Variants in CKAP2L observed in about 807,000 individuals in gnomAD.
The protein encoded by CKAP2L is cytoskeleton associated protein 2L.
A neutral mutation model predicts 65.7 loss-of-function variants in CKAP2L; 42 were observed. That is an observed-to-expected ratio of 0.64 (90% CI 0.50 to 0.83). The LOEUF (loss-of-function observed/expected upper bound fraction) is 0.83, where lower values mean the gene tolerates loss of function less well. Among genes scored for constraint, CKAP2L ranks in the 40% least tolerant of loss-of-function variants. CKAP2L has a pLI of 0.00. For synonymous variants in CKAP2L, 325 were observed against 313.5 expected (o/e 1.04, Z -0.39); for missense variants, 908 against 871.0 (o/e 1.04, Z -0.53).
At chr2:112,740,388 T>A (rs1276191010) in intron 8 of CKAP2L, among the ~76,000 whole-genome samples, 1 of 152,236 alleles carries the variant, frequency 6.6e-6, no homozygotes, top group African/African-American at 2.4e-5. Flanking sequence ...CTTAAATTAC[T>A]ATGGATTCTG....
Position 112,738,641 on chromosome 2 carries a change from TAAAGCAA to T in CKAP2L, c.*175_*181del. ...AACTGGCAAACTGGTCTTAAACACA[TAAAGCAA>T]AGATTTTCCCATGGGGAGAGAAAAT... On this transcript the variant is annotated 3_prime_UTR_variant, in exon 9 of 9. Coordinates refer to ENST00000302450, the MANE Select transcript of CKAP2L (RefSeq NM_152515.5). 1 of 599,980 alleles carries T rather than the reference TAAAGCAA, an allele frequency of 1.7e-6. No homozygotes were observed. The highest frequency in any genetic ancestry group is 3.0e-6 in the Non-Finnish European group (1 of 338,494). 37.2% of individuals were successfully genotyped at this position (599,980 alleles called of 1,614,324 possible). A position where few individuals can be genotyped will look rare whatever the true frequency, so the allele number is the denominator to read the frequency against.
Position 112,756,429 on chromosome 2 carries a change from A to C in CKAP2L, c.942T>G (p.Asn314Lys), listed in dbSNP as rs747573709. 35 of 1,613,814 alleles carry C rather than the reference A, an allele frequency of 2.2e-5. No individual in the cohort carries two copies. Among genetic ancestry groups the C allele is most frequent in the Non-Finnish European group, 2.9e-5 (34 of 1,179,896 alleles). The change falls in exon 4 of 9, where the codon AAT becomes AAG. Residue 314 changes from asparagine to lysine, a missense_variant. Physicochemically the swap from Asn to Lys is moderately conservative, Grantham distance 94 (BLOSUM62 0). Transcript: ENST00000302450. ...CAGGGTATGACCGTATCTTAGTTTC[A>C]TTTGGTCTTTCATATTGACTCCTAT... The part of the protein sequence containing the change: ...KVNRSQYERP[N>K]ETKIRSYPVT...
chr2:112,738,516 T>C lies in CKAP2L; in HGVS notation c.*307A>G, dbSNP rs1558749264. ...ATATTGTGGGACCAACCTTCTGATA[T>C]AAAAAACTATGTTGGGATTAAAGTA... On this transcript the variant is annotated 3_prime_UTR_variant, in exon 9 of 9. Coordinates refer to ENST00000302450, the MANE Select transcript of CKAP2L (RefSeq NM_152515.5). 1 of 270,386 alleles carries C rather than the reference T, an allele frequency of 3.7e-6. No individual in the cohort carries two copies. The highest frequency in any genetic ancestry group is 7.0e-6 in the Non-Finnish European group (1 of 142,206). 16.7% of individuals were successfully genotyped at this position (270,386 alleles called of 1,614,324 possible).
rs757057961 is a variant in CKAP2L at position 112,738,971 on chromosome 2, A to T, written c.2090T>A (p.Val697Glu). 6.2e-7 allele frequency: 1 copy of T among 1,614,210 alleles called. No individual in the cohort carries two copies. The highest frequency in any genetic ancestry group is 8.5e-7 in the Non-Finnish European group (1 of 1,180,028). The change falls in exon 9 of 9, where the codon GTG becomes GAG. Residue 697 changes from valine to glutamate, a missense_variant. Physicochemically the swap from Val to Glu is moderately radical, Grantham distance 121. Transcript: ENST00000302450. The part of the protein sequence containing the change: ...VRRSSRIERA[V>E]SRYPEMLQEH... ...CTGCAGCATTTCTGGGTAGCGGGACACTGCTCGCTCAATCCTCGACGAACG... is the reference window on the plus strand; with the variant it reads ...CTGCAGCATTTCTGGGTAGCGGGACTCTGCTCGCTCAATCCTCGACGAACG...
chr2:112,756,112 G>A lies in CKAP2L; in HGVS notation c.1259C>T (p.Ser420Phe). ...GFQQKAQTLD[S>F]KLKKAVPQNH... ...CTGGGGAACAGCCTTTTTCAACTTGGAGTCCAAAGTCTGTGCTTTTTGCTG... is the reference window on the plus strand; with the variant it reads ...CTGGGGAACAGCCTTTTTCAACTTGAAGTCCAAAGTCTGTGCTTTTTGCTG... The change falls in exon 4 of 9, where the codon TCC becomes TTC. Residue 420 changes from serine to phenylalanine, a missense_variant. Ser to Phe is a radical substitution (Grantham distance 155). Coordinates refer to ENST00000302450, the MANE Select transcript of CKAP2L (RefSeq NM_152515.5). The A allele has an allele frequency of 6.2e-7, 1 of 1,614,078 alleles. No homozygotes were observed. The highest frequency in any genetic ancestry group is 1.1e-5 in the South Asian group (1 of 91,058).
intron 2 of CKAP2L, among the ~76,000 whole-genome samples, chr2:112,761,048 A>G (rs1000271231): frequency 1.3e-5 from 2 of 151,956 alleles, no homozygotes; most frequent in African/African-American, 4.8e-5. Context: ...AATATTAATG[A>G]GATATATGTG....
chr2:112,738,634 A>T lies in CKAP2L; in HGVS notation c.*189T>A. On this transcript the variant is annotated 3_prime_UTR_variant, in exon 9 of 9. Coordinates refer to ENST00000302450, the MANE Select transcript of CKAP2L (RefSeq NM_152515.5). ...ACTGTAAAACTGGCAAACTGGTCTT[A>T]AACACATAAAGCAAAGATTTTCCCA... 1.7e-6 allele frequency: 1 copy of T among 595,848 alleles called. No individual in the cohort carries two copies. The allele number at this position is 595,848 out of a possible 1,614,324, so 36.9% of individuals were successfully genotyped here. A position where few individuals can be genotyped will look rare whatever the true frequency, so the allele number is the denominator to read the frequency against.
rs754833708 is a variant in CKAP2L, at chr2:112,740,994, G to C, written c.1836C>G (p.Asp612Glu). The change falls in exon 8 of 9, where the codon GAC becomes GAG. Residue 612 changes from aspartate (D) to glutamate (E), a missense_variant. Asp to Glu is a conservative substitution (Grantham distance 45). Transcript: ENST00000302450. ...TTATACTAGTTTCAGCAACTAAAGA[G>C]TCAGAAGTAATCCCTGTGTATGTAA... Reference protein sequence around the residue: ...SNRTTEGITSDSLVAETSITS... With the variant: ...SNRTTEGITSESLVAETSITS... The C allele has an allele frequency of 1.9e-5, 31 of 1,609,834 alleles. No individual in the cohort carries two copies. Among genetic ancestry groups the C allele is most frequent in the Non-Finnish European group, 2.5e-5 (29 of 1,176,612 alleles).
At chr2:112,761,790 G>A (rs1385906903) in intron 2 of CKAP2L, among the ~76,000 whole-genome samples, 1 of 152,192 alleles carries the variant, frequency 6.6e-6, no homozygotes, top group East Asian at 1.9e-4. Context: ...AGCATCAGAA[G>A]TGACTGAGAT....
chr2:112,740,777 T>A, intron 8 of CKAP2L, 41 bp downstream of exon 8: 4 of 1,511,688 alleles, frequency 2.6e-6, no homozygotes, highest in Non-Finnish European at 3.6e-6. Context: ...TGGACTAGAA[T>A]TAAGTCTGTG....
intron 6 of CKAP2L, among the ~76,000 whole-genome samples, chr2:112,743,506 C>T (rs759446157): frequency 2.6e-5 from 4 of 152,084 alleles, no homozygotes; most frequent in Non-Finnish European, 4.4e-5. Context: ...GGTGCGGTAT[C>T]GGCTCACCAC....
At chr2:112,758,102 A>G (rs1387592021) in intron 3 of CKAP2L, among the ~76,000 whole-genome samples, 4 of 152,234 alleles carry the variant, frequency 2.6e-5, no homozygotes, top group African/African-American at 9.6e-5. Context: ...CTTAATAGTC[A>G]TATTTGTAAA....
chr2:112,738,968 G>A lies in CKAP2L; in HGVS notation c.2093C>T (p.Ser698Phe). Reference protein sequence around the residue: ...RRSSRIERAVSRYPEMLQEHD... With the variant: ...RRSSRIERAVFRYPEMLQEHD... ...TTCCTGCAGCATTTCTGGGTAGCGGGACACTGCTCGCTCAATCCTCGACGA... is the reference window on the plus strand; with the variant it reads ...TTCCTGCAGCATTTCTGGGTAGCGGAACACTGCTCGCTCAATCCTCGACGA... The change falls in exon 9 of 9, where the codon TCC (serine) becomes TTC (phenylalanine). Residue 698 changes from serine to phenylalanine, a missense_variant. By Grantham distance (155) the Ser-to-Phe change is radical. Transcript: ENST00000302450. 1.2e-6 allele frequency: 2 copies of A among 1,614,156 alleles called. No individual in the cohort carries two copies. Among genetic ancestry groups the A allele is most frequent in the South Asian group, 1.1e-5 (1 of 91,086 alleles).
intron 5 of CKAP2L, among the ~76,000 whole-genome samples, chr2:112,747,741 G>C (rs531936610): frequency 2.6e-5 from 4 of 152,290 alleles, no homozygotes; most frequent in Admixed American, 2.0e-4. Flanking sequence ...GTTCACAATT[G>C]AGAATCACTA....
chr2:112,756,010 T>C lies in CKAP2L; in HGVS notation c.1361A>G (p.Asn454Ser). The C allele has an allele frequency of 6.3e-7, 1 of 1,594,124 alleles. No individual in the cohort carries two copies. Among genetic ancestry groups the C allele is most frequent in the Non-Finnish European group, 8.5e-7 (1 of 1,172,964 alleles). The change falls in exon 4 of 9, where the codon AAT becomes AGT. Residue 454 changes from asparagine (N) to serine (S), a missense_variant. Transcript: ENST00000302450. Reference protein sequence around the residue: ...TTVNGTQTNPNIKKKATAEDR... With the variant: ...TTVNGTQTNPSIKKKATAEDR... Reference sequence around the variant, plus strand: ...CTCTGCTGTTGCCTTCTTTTTAATATTTGGGTTTGTTTGGGTCCCATTTAC... The same window carrying C: ...CTCTGCTGTTGCCTTCTTTTTAATACTTGGGTTTGTTTGGGTCCCATTTAC...
At chr2:112,755,066 T>C (rs577565730) in intron 4 of CKAP2L, among the ~76,000 whole-genome samples, 5 of 152,202 alleles carry the variant, frequency 3.3e-5, no homozygotes, top group Non-Finnish European at 7.3e-5. Flanking sequence ...AAGCTGTACC[T>C]TGCTTCACCC....
chr2:112,741,018 A>G lies in CKAP2L; in HGVS notation c.1823-11T>C. The G allele has an allele frequency of 6.4e-7, 1 of 1,562,904 alleles. No homozygotes were observed. Among genetic ancestry groups the G allele is most frequent in the Non-Finnish European group, 8.8e-7 (1 of 1,140,702 alleles). On this transcript the variant is annotated splice_polypyrimidine_tract_variant and intron_variant, in intron 7 of 8. Transcript: ENST00000302450. Reference sequence around the variant, plus strand: ...AGTCAGAAGTAATCCCTGTGTATGTAAGATCATGAAGGAAAGTAAGATTTA... The same window carrying G: ...AGTCAGAAGTAATCCCTGTGTATGTGAGATCATGAAGGAAAGTAAGATTTA...
Position 112,738,928 on chromosome 2 carries a change from C to T in CKAP2L, c.2133G>A (p.Val711=). 3.1e-6 allele frequency: 5 copies of T among 1,614,070 alleles called. No homozygotes were observed. Among genetic ancestry groups the T allele is most frequent in the Non-Finnish European group, 4.2e-6 (5 of 1,179,968 alleles). Residue 711 remains valine (V), a synonymous_variant, in exon 9 of 9, where the codon GTG becomes GTA. Transcript: ENST00000302450. The part of the protein sequence containing the change: ...PEMLQEHDLV[V]ASLDELLEVE... Reference sequence around the variant, plus strand: ...CTTCTAACAGTTCATCAAGAGAAGCCACTACTAAATCGTGTTCCTGCAGCA... The same window carrying T: ...CTTCTAACAGTTCATCAAGAGAAGCTACTACTAAATCGTGTTCCTGCAGCA...
At chr2:112,753,694 A>C (rs1680449342) in intron 4 of CKAP2L, among the ~76,000 whole-genome samples, 1 of 151,688 alleles carries the variant, frequency 6.6e-6, no homozygotes, top group Non-Finnish European at 1.5e-5. Context: ...CACCCGGCTA[A>C]TTTTTGTATT....
Sources: gnomAD v4.1 joint callset for allele counts (sites outside exome capture counted in the v4.1 genomes callset) on GRCh38, gnomAD v4.1.1 for gene constraint, MANE v1.5 for transcripts, NCBI Gene and HGNC (gene_info 2026-07-23, HGNC 2026-07-21) for gene names.